Variants in PCSK6 observed in about 807,000 individuals in gnomAD.
PCSK6 encodes the protein paired basic amino acid cleaving enzyme 4.
Under a neutral mutation model 123.3 loss-of-function variants are expected in PCSK6, and 85 were observed. The ratio of observed to expected loss-of-function variants is 0.69; its 90% CI spans 0.58 to 0.83. The LOEUF is 0.83. Among genes scored for constraint, PCSK6 ranks in the 40% least tolerant of loss-of-function variants. The pLI is 0.00. For synonymous variants in PCSK6, 508 were observed against 516.0 expected (o/e 0.98, Z 0.21); for missense variants, 1,191 against 1,282.3 (o/e 0.93, Z 1.09).
chr15:101,438,129 C>G (rs562750785), intron 2 of PCSK6, among the ~76,000 whole-genome samples: 4 of 152,192 alleles, frequency 2.6e-5, no homozygotes, highest in Admixed American at 2.6e-4. Flanking sequence ...TGAGACAATA[C>G]GGTTCTGCGG....
At chr15:101,359,315 C>G (rs1002245714) in intron 13 of PCSK6, among the ~76,000 whole-genome samples, 4 of 152,202 alleles carry the variant, frequency 2.6e-5, no homozygotes, top group Admixed American at 6.5e-5. Context: ...CCCGTCTCAA[C>G]CTTCTGAAAG....
intron 1 of PCSK6, among the ~76,000 whole-genome samples, chr15:101,449,650 T>C (rs1007668957): frequency 2.6e-5 from 4 of 152,138 alleles, no homozygotes; most frequent in Admixed American, 6.6e-5. Flanking sequence ...AGCAACCCCA[T>C]GTGGGTGGGG....
intron 1 of PCSK6, among the ~76,000 whole-genome samples, chr15:101,445,382 T>A (rs1219503179): frequency 6.6e-6 from 1 of 152,190 alleles, no homozygotes; most frequent in African/African-American, 2.4e-5. Flanking sequence ...TTGAACGCGA[T>A]ATTTACGTGT....
chr15:101,422,492 G>C (rs1241365358), intron 6 of PCSK6, among the ~76,000 whole-genome samples: 1 of 152,142 alleles, frequency 6.6e-6, no homozygotes, highest in Non-Finnish European at 1.5e-5. Flanking sequence ...CATGGTCTAG[G>C]AGTAAAGACC....
Position 101,443,549 on chromosome 15 carries a change from T to C in PCSK6, c.402+7A>G, listed in dbSNP as rs2056810270. 6.3e-7 allele frequency: 1 copy of C among 1,599,832 alleles called. No homozygotes were observed. The highest frequency in any genetic ancestry group is 1.3e-5 in the African/African-American group (1 of 74,762). ...AGCCCTTAGGAAAGCATCCGGACAC[T>C]CTGTACCTGGGGGTCCATTCTGAGG... On this transcript the variant is annotated splice_region_variant and intron_variant, in intron 2 of 21. Transcript: ENST00000611716.
chr15:101,307,375 C>T (rs1392212454), intron 20 of PCSK6, 50 bp from the exon 21 acceptor site: 3 of 1,371,560 alleles, frequency 2.2e-6, no homozygotes, highest in Non-Finnish European at 3.1e-6. Flanking sequence ...GGCTCCACCA[C>T]TCCGGGCTCC....
intron 19 of PCSK6, among the ~76,000 whole-genome samples, chr15:101,317,635 G>C (rs1027937607): frequency 6.6e-6 from 1 of 152,188 alleles, no homozygotes; most frequent in Non-Finnish European, 1.5e-5. Flanking sequence ...CAATGTTTAT[G>C]GTGTTGTGTT....
At chr15:101,366,683 C>T (rs2041403476) in intron 12 of PCSK6, among the ~76,000 whole-genome samples, 1 of 152,158 alleles carries the variant, frequency 6.6e-6, no homozygotes, top group African/African-American at 2.4e-5. Context: ...GTGGCTGGCT[C>T]CTTCCCACCC....
intron 6 of PCSK6, among the ~76,000 whole-genome samples, chr15:101,422,062 G>C (rs1194146313): frequency 6.6e-6 from 1 of 152,182 alleles, no homozygotes; most frequent in Non-Finnish European, 1.5e-5. Context: ...AAACCATACT[G>C]GGTATGCTCC....
chr15:101,366,161 C>T (rs943165340), intron 13 of PCSK6, 35 bp downstream of exon 13: 1 of 1,590,380 alleles, frequency 6.3e-7, no homozygotes, highest in Non-Finnish European at 8.6e-7. Context: ...GCTTGAGATA[C>T]AAAAGCTGTC....
intron 13 of PCSK6, among the ~76,000 whole-genome samples, chr15:101,363,796 ATT>A (rs34172190): frequency 2.1e-5 from 3 of 142,672 alleles, no homozygotes; most frequent in African/African-American, 2.6e-5. Context: ...TGCCTGGCTA[ATT>A]TTTTTTTTTT....
Position 101,307,551 on chromosome 15 carries a change from G to A in PCSK6, c.2700-226C>T. On this transcript the variant is annotated intron_variant, in intron 20 of 21. Transcript: ENST00000611716. Reference sequence around the variant, plus strand: ...GCCCTGGGAGGGCAGAGACAGCCATGGCCAGTTGGCAGGAGCAAGCCCAGG... The same window carrying A: ...GCCCTGGGAGGGCAGAGACAGCCATAGCCAGTTGGCAGGAGCAAGCCCAGG... 6.8e-5 allele frequency: 33 copies of A among 485,222 alleles called. 1 individual carries two copies. In the South Asian group the frequency reaches 8.1e-4, roughly 12 times the overall value. The allele number at this position is 485,222 out of a possible 1,614,324, so 30.1% of individuals were successfully genotyped here.
At chr15:101,484,603 C>G (rs2057974629) in intron 1 of PCSK6, among the ~76,000 whole-genome samples, 1 of 152,126 alleles carries the variant, frequency 6.6e-6, no homozygotes, top group Non-Finnish European at 1.5e-5. Flanking sequence ...GTTGGCCAGG[C>G]TGGTCTCGAA....
In PCSK6 at chr15:101,305,762, G is replaced by GCTGGGCATCAGTGGTGCC. The variant is rs1179616613; in HGVS notation, c.2813-425_2813-408dup. ...ATATTGTTTCAATCATTCCACATAT[G>GCTGGGCATCAGTGGTGCC]CTGGGCATCAGTGGTGCCCTGGGCA... On this transcript the variant is annotated intron_variant, in intron 21 of 21. Transcript: ENST00000611716. This position sits in a 1 kb window ranked among gnomAD's most constrained non-coding sequence, Gnocchi z 4.8. 4.2e-5 allele frequency: 7 copies of GCTGGGCATCAGTGGTGCC among 166,102 alleles called. No individual in the cohort carries two copies. Among genetic ancestry groups the GCTGGGCATCAGTGGTGCC allele is most frequent in the African/African-American group, 1.7e-4 (7 of 41,714 alleles). 10.3% of individuals were successfully genotyped at this position (166,102 alleles called of 1,614,324 possible).
chr15:101,489,323 C>G (rs2058104691), intron 1 of PCSK6, 51 bp downstream of exon 1: 1 of 1,087,478 alleles, frequency 9.2e-7, no homozygotes, highest in Admixed American at 5.5e-5. Context: ...CCCTCGCGCG[C>G]GCCGGAGGCC....
chr15:101,355,502 C>A (rs1480031460), intron 13 of PCSK6, among the ~76,000 whole-genome samples: 1 of 152,228 alleles, frequency 6.6e-6, no homozygotes, highest in African/African-American at 2.4e-5. Context: ...TAGCCCTGGT[C>A]AAACTGCCTG....
intron 13 of PCSK6, chr15:101,347,167 G>A (rs187593924): frequency 9.5e-5 from 117 of 1,231,692 alleles, no homozygotes; most frequent in Non-Finnish European, 1.1e-4. Context: ...CTTGAAAGCC[G>A]GCACAGAAGG....
intron 1 of PCSK6, among the ~76,000 whole-genome samples, chr15:101,452,893 A>G (rs1049820924): frequency 2.6e-5 from 4 of 152,206 alleles, no homozygotes; most frequent in African/African-American, 9.6e-5. Flanking sequence ...ACACTGGAGC[A>G]CTGGGGCTGG....
At chr15:101,400,935 C>T (rs2042568215) in intron 6 of PCSK6, among the ~76,000 whole-genome samples, 1 of 152,162 alleles carries the variant, frequency 6.6e-6, no homozygotes, top group Admixed American at 6.5e-5. Flanking sequence ...TTAATATATG[C>T]CCTGAAATTT....
Sources: gnomAD v4.1 joint callset for allele counts (sites outside exome capture counted in the v4.1 genomes callset) on GRCh38, gnomAD v4.1.1 for gene constraint, Gnocchi (gnomAD v3.1) non-coding constraint, MANE v1.5 for transcripts, NCBI Gene and HGNC (gene_info 2026-07-23, HGNC 2026-07-21) for gene names.